Variants in LRP1B observed in about 807,000 individuals in gnomAD.
LRP1B encodes low-density lipoprotein receptor-related protein 1B.
In LRP1B, 217 loss-of-function variants were observed where a neutral mutation model predicts 556.6. The ratio of observed to expected loss-of-function variants is 0.39; its 90% CI spans 0.35 to 0.44. The LOEUF is 0.44. Ranked by LOEUF, LRP1B falls within the 20% of genes least tolerant of loss-of-function variation. The pLI is 1.00. For synonymous variants in LRP1B, 2,047 were observed against 1,865.8 expected (o/e 1.10, Z -2.50); for missense variants, 5,053 against 5,620.8 (o/e 0.90, Z 3.23).
At chr2:140,377,976 T>C (rs898811954) in intron 68 of LRP1B, among the ~76,000 whole-genome samples, 2 of 152,158 alleles carry the variant, frequency 1.3e-5, no homozygotes, top group East Asian at 1.9e-4. Context: ...AAACAGACTA[T>C]AAAATTAACT....
At chr2:140,282,682 T>C (rs1317075632) in intron 84 of LRP1B, among the ~76,000 whole-genome samples, 1 of 151,796 alleles carries the variant, frequency 6.6e-6, no homozygotes, top group Admixed American at 6.6e-5. Context: ...TGACACAGCC[T>C]ATAATCTCAA....
At chr2:141,684,435 C>CCTGTGGGA (rs1691220042) in intron 2 of LRP1B, among the ~76,000 whole-genome samples, 1 of 151,832 alleles carries the variant, frequency 6.6e-6, no homozygotes, top group South Asian at 2.1e-4. Context: ...TGGGGAACAT[C>CCTGTGGGA]ACAAACCAGG....
At chr2:140,398,380 C>T (rs140462229) in intron 66 of LRP1B, among the ~76,000 whole-genome samples, 322 of 152,178 alleles carry the variant, frequency 2.1e-3, no homozygotes, top group Non-Finnish European at 3.8e-3. Context: ...TTATATGCAT[C>T]CAAAGCATAC....
At chr2:141,401,662 A>G (rs1690457199) in intron 3 of LRP1B, among the ~76,000 whole-genome samples, 1 of 152,230 alleles carries the variant, frequency 6.6e-6, no homozygotes, top group Non-Finnish European at 1.5e-5. Flanking sequence ...GACAAAAAAG[A>G]CAATCATGGA....
At chr2:141,350,458 A>G (rs1215236573) in intron 3 of LRP1B, among the ~76,000 whole-genome samples, 1 of 152,042 alleles carries the variant, frequency 6.6e-6, no homozygotes. Context: ...GCCAATGTTC[A>G]TATTTGTTCA....
At chr2:141,957,572 TGACA>T (rs1701292230) in intron 1 of LRP1B, among the ~76,000 whole-genome samples, 1 of 151,960 alleles carries the variant, frequency 6.6e-6, no homozygotes, top group Non-Finnish European at 1.5e-5. Context: ...TCCTCTCACT[TGACA>T]GACACATTTT....
intron 7 of LRP1B, among the ~76,000 whole-genome samples, chr2:141,108,488 A>C (rs1700668302): frequency 6.6e-6 from 1 of 151,562 alleles, no homozygotes; most frequent in African/African-American, 2.4e-5. Context: ...AGCTGGGATT[A>C]CAGGTGCCTG....
intron 3 of LRP1B, among the ~76,000 whole-genome samples, chr2:141,415,256 G>A (rs62167979): frequency 0.084 from 12,722 of 152,022 alleles, 630 homozygotes; most frequent in East Asian, 0.17. Flanking sequence ...CTTGTGATCC[G>A]CCTGCCTCGG....
intron 2 of LRP1B, among the ~76,000 whole-genome samples, chr2:141,726,045 T>C (rs541061435): frequency 1.3e-5 from 2 of 151,810 alleles, no homozygotes; most frequent in East Asian, 3.9e-4. Flanking sequence ...AAATTTATTA[T>C]AAAAAATGTG....
At chr2:140,603,419 T>C (rs752287014) in intron 41 of LRP1B, among the ~76,000 whole-genome samples, 1 of 152,114 alleles carries the variant, frequency 6.6e-6, no homozygotes. Flanking sequence ...ATTTCAGAAA[T>C]GCAATGAACT....
chr2:141,443,545 G>T (rs1231940468), intron 3 of LRP1B, among the ~76,000 whole-genome samples: 1 of 151,996 alleles, frequency 6.6e-6, no homozygotes, highest in Non-Finnish European at 1.5e-5. Context: ...TGTCTTCTAG[G>T]GTTTTTATGG....
chr2:140,884,301 C>CAA (rs142408779), intron 24 of LRP1B, among the ~76,000 whole-genome samples: 2 of 150,062 alleles, frequency 1.3e-5, no homozygotes, highest in South Asian at 4.2e-4. Context: ...GTTGAGGTTG[C>CAA]AAAAAAAAAG....
intron 3 of LRP1B, among the ~76,000 whole-genome samples, chr2:141,327,813 AATC>A (rs1415025133): frequency 6.6e-6 from 1 of 152,100 alleles, no homozygotes; most frequent in Non-Finnish European, 1.5e-5. Flanking sequence ...ATTTGTTTCC[AATC>A]ATCTTCTTCT....
chr2:141,149,037 C>T (rs1233199575), intron 7 of LRP1B, among the ~76,000 whole-genome samples: 4 of 151,628 alleles, frequency 2.6e-5, no homozygotes, highest in East Asian at 1.9e-4. Flanking sequence ...TGCAGTGAGC[C>T]GAGATCTCTG....
chr2:141,603,378 C>A (rs574507534), intron 2 of LRP1B, among the ~76,000 whole-genome samples: 1 of 152,126 alleles, frequency 6.6e-6, no homozygotes. Flanking sequence ...AGTTACTAAT[C>A]CTTCAGTGAA....
chr2:140,589,304 T>G (rs1682121056), intron 43 of LRP1B, among the ~76,000 whole-genome samples: 1 of 152,002 alleles, frequency 6.6e-6, no homozygotes, highest in South Asian at 2.1e-4. Context: ...AACAAAAAAG[T>G]ATCATCTAGA....
intron 2 of LRP1B, among the ~76,000 whole-genome samples, chr2:141,500,294 T>C (rs1211639825): frequency 6.6e-5 from 10 of 152,144 alleles, no homozygotes; most frequent in Non-Finnish European, 1.2e-4. Flanking sequence ...TATCAGCCTT[T>C]GTTAAAATGA....
At chr2:140,894,448 GAAAA>G (rs1693888439) in intron 23 of LRP1B, among the ~76,000 whole-genome samples, 2 of 150,838 alleles carry the variant, frequency 1.3e-5, no homozygotes, top group African/African-American at 4.9e-5. Context: ...ACACTGTGAA[GAAAA>G]AAAATTAAGA....
chr2:141,190,417 C>G (rs1417290392), intron 6 of LRP1B, among the ~76,000 whole-genome samples: 1 of 151,914 alleles, frequency 6.6e-6, no homozygotes, highest in Non-Finnish European at 1.5e-5. Flanking sequence ...AAGAGCTTAT[C>G]TGTCTTGACT....
Sources: allele counts gnomAD v4.1 joint callset (sites outside exome capture counted in the v4.1 genomes callset), GRCh38; gene constraint gnomAD v4.1.1; transcripts MANE v1.5; gene names NCBI Gene and HGNC (gene_info 2026-07-23, HGNC 2026-07-21).